Variants in SMTNL2 observed in about 807,000 individuals in gnomAD.
SMTNL2 encodes the protein smoothelin-like protein 2.
SMTNL2 carries 43 observed loss-of-function variants against 44.1 expected under a neutral mutation model. The ratio of observed to expected loss-of-function variants is 0.98; its 90% CI spans 0.76 to 1.26. The LOEUF is 1.26. Among genes scored for constraint, SMTNL2 ranks in the 50% most tolerant of loss-of-function variants. The pLI is 0.00. For synonymous variants in SMTNL2, 317 were observed against 287.6 expected (o/e 1.10, Z -1.03); for missense variants, 646 against 670.2 (o/e 0.96, Z 0.40).
In SMTNL2 at chr17:4,607,806, T is replaced by C. The variant is rs1597420763; in HGVS notation, c.*319T>C. 4.3e-6 allele frequency: 1 copy of C among 230,090 alleles called. No individual in the cohort carries two copies. Among genetic ancestry groups the C allele is most frequent in the Admixed American group, 5.5e-5 (1 of 18,136 alleles). 14.3% of individuals were successfully genotyped at this position (230,090 alleles called of 1,614,324 possible). A position where few individuals can be genotyped will look rare whatever the true frequency, so the allele number is the denominator to read the frequency against. On this transcript the variant is annotated 3_prime_UTR_variant, in exon 8 of 8. Coordinates refer to ENST00000389313, the MANE Select transcript of SMTNL2 (RefSeq NM_001114974.2). The surrounding 1 kb of genome is among the most constrained non-coding windows in gnomAD (Gnocchi z 4.7). ...GTTTATAGCTTCCAGAATGCTAATC[T>C]ACAATTTTCCCTCTGGTGAATTCGA...
rs1013031481 is a variant in SMTNL2, at chr17:4,600,126, G to C, written c.1259+2803G>C. ...CGTAAGATTATCTCCCAGGTACTAG[G>C]GGGAGAGGGCTGGGAAGACTGGCTC... is the stretch of plus-strand genomic sequence containing the variant. On this transcript the variant is annotated intron_variant, in intron 7 of 7. Transcript: ENST00000389313. This position sits in a 1 kb window ranked among gnomAD's most constrained non-coding sequence, Gnocchi z 4.7. Among the ~76,000 whole-genome samples the C allele has an allele frequency of 2.0e-5, 3 of 152,306 alleles. No homozygotes were observed. Among genetic ancestry groups the C allele is most frequent in the East Asian group, 1.9e-4 (1 of 5,174 alleles).
At chr17:4,597,398 T>G (rs996132590) in intron 7 of SMTNL2, 75 bp downstream of exon 7, 1 of 1,567,560 alleles carries the variant, frequency 6.4e-7, no homozygotes, top group African/African-American at 1.4e-5. Flanking sequence ...AGGTGGGGCA[T>G]GGGGGCGAGT....
chr17:4,592,845 G>A lies in SMTNL2; in HGVS notation c.488-84G>A. 6.6e-7 allele frequency: 1 copy of A among 1,523,992 alleles called. No homozygotes were observed. Among genetic ancestry groups the A allele is most frequent in the South Asian group, 1.3e-5 (1 of 79,208 alleles). The allele number at this position is 1,523,992 out of a possible 1,614,324, so 94.4% of individuals were successfully genotyped here. On this transcript the variant is annotated intron_variant, in intron 2 of 7. Coordinates refer to ENST00000389313, the MANE Select transcript of SMTNL2 (RefSeq NM_001114974.2). The surrounding 1 kb of genome is among the most constrained non-coding windows in gnomAD (Gnocchi z 4.5). ...CTAGAGGAGGTGGGAGGAGGGCCCA[G>A]GGAGGCTAGAGCCCTCCTGGGAGGT... is the stretch of plus-strand genomic sequence containing the variant.
At chr17:4,588,903 C>T (rs1005396224) in intron 1 of SMTNL2, among the ~76,000 whole-genome samples, 2 of 152,220 alleles carry the variant, frequency 1.3e-5, no homozygotes, top group African/African-American at 4.8e-5. Flanking sequence ...CCCTGCCCCA[C>T]CCCACGTCTT....
chr17:4,584,287 G>T (rs1385730432), upstream of SMTNL2, among the ~76,000 whole-genome samples: 1 of 152,188 alleles, frequency 6.6e-6, no homozygotes, highest in Non-Finnish European at 1.5e-5. Context: ...GTCCAGGGGG[G>T]CCAGGGCCTT....
Position 4,598,321 on chromosome 17 carries a change from A to T in SMTNL2, c.1259+998A>T, listed in dbSNP as rs948987600. Among the ~76,000 whole-genome samples, 3 of 152,258 alleles carry T rather than the reference A, an allele frequency of 2.0e-5. No homozygotes were observed. The highest frequency in any genetic ancestry group is 6.5e-5 in the Admixed American group (1 of 15,294). ...GTTCATCCTGGCCCCCAGGGCAGGG[A>T]GCAGGGCACAGATGAGTGGTGTTCG... On this transcript the variant is annotated intron_variant, in intron 7 of 7. Transcript: ENST00000389313. The surrounding 1 kb of genome is among the most constrained non-coding windows in gnomAD (Gnocchi z 4.8).
At chr17:4,590,378 G>A (rs1306854025) in intron 1 of SMTNL2, among the ~76,000 whole-genome samples, 1 of 152,094 alleles carries the variant, frequency 6.6e-6, no homozygotes, top group Non-Finnish European at 1.5e-5. Context: ...CTGCTCTGTT[G>A]CTTCCTGAAA....
chr17:4,596,784 C>A, intron 5 of SMTNL2, 76 bp from the exon 6 acceptor site: 1 of 1,284,202 alleles, frequency 7.8e-7, no homozygotes, highest in Non-Finnish European at 1.0e-6. Flanking sequence ...GCCAGGACAG[C>A]CTCCCCTGCC....
At chr17:4,605,858 A>G (rs1312149902) in intron 7 of SMTNL2, among the ~76,000 whole-genome samples, 2 of 152,168 alleles carry the variant, frequency 1.3e-5, no homozygotes, top group Non-Finnish European at 2.9e-5. Context: ...CAGAGGAGGC[A>G]GGGGGCGCAG....
intron 7 of SMTNL2, among the ~76,000 whole-genome samples, chr17:4,602,198 C>T (rs1380613769): frequency 6.6e-6 from 1 of 151,958 alleles, no homozygotes; most frequent in East Asian, 1.9e-4. Context: ...AAAGGAAATG[C>T]TCATTGGCGC....
At chr17:4,597,037 C>T (rs1477041400) in intron 6 of SMTNL2, 60 bp downstream of exon 6, 52 of 1,477,056 alleles carry the variant, frequency 3.5e-5, no homozygotes, top group Non-Finnish European at 4.5e-5. Flanking sequence ...GACCAAGCGT[C>T]GCCCCTGTCC....
At chr17:4,597,594 T>C (rs931333349) in intron 7 of SMTNL2, among the ~76,000 whole-genome samples, 4 of 152,126 alleles carry the variant, frequency 2.6e-5, no homozygotes, top group African/African-American at 9.7e-5. Context: ...GCTTCTGAGG[T>C]GCACTCTGGG....
intron 5 of SMTNL2, 75 bp from the exon 6 acceptor site, chr17:4,596,785 C>A: frequency 4.6e-6 from 6 of 1,295,974 alleles, no homozygotes; most frequent in Non-Finnish European, 5.1e-6. Flanking sequence ...CCAGGACAGC[C>A]TCCCCTGCCC....
intron 4 of SMTNL2, among the ~76,000 whole-genome samples, chr17:4,594,602 C>T (rs1909725897): frequency 6.6e-6 from 1 of 152,246 alleles, no homozygotes; most frequent in Non-Finnish European, 1.5e-5. Context: ...TTCCTGCCCA[C>T]GGGCTGCGAG....
At chr17:4,604,938 C>G (rs981278513) in intron 7 of SMTNL2, among the ~76,000 whole-genome samples, 2 of 151,730 alleles carry the variant, frequency 1.3e-5, no homozygotes, top group African/African-American at 2.4e-5. Context: ...CCTAAAGTGC[C>G]GGGATTACAG....
At position 4,595,091 on chromosome 17, in the gene SMTNL2, T is replaced by G; in HGVS notation, c.807-54T>G. Reference sequence around the variant, plus strand: ...GTGCAATGGAGACCTTGGGGCCTGGTGAGCTAGTGATGGCTGCTGGGCCCA... The same window carrying G: ...GTGCAATGGAGACCTTGGGGCCTGGGGAGCTAGTGATGGCTGCTGGGCCCA... On this transcript the variant is annotated intron_variant, in intron 4 of 7. Transcript: ENST00000389313. The surrounding 1 kb of genome is among the most constrained non-coding windows in gnomAD (Gnocchi z 5.1). The G allele has an allele frequency of 2.5e-6, 4 of 1,610,598 alleles. No individual in the cohort carries two copies. Among genetic ancestry groups the G allele is most frequent in the Non-Finnish European group, 3.4e-6 (4 of 1,178,286 alleles).
Position 4,598,743 on chromosome 17 carries a change from G to A in SMTNL2, c.1259+1420G>A, listed in dbSNP as rs1330746335. Among the ~76,000 whole-genome samples, 1 of 151,930 alleles carries A rather than the reference G, an allele frequency of 6.6e-6. No individual in the cohort carries two copies. Among genetic ancestry groups the A allele is most frequent in the East Asian group, 1.9e-4 (1 of 5,178 alleles). ...GGAGGCTGAGGCAGGAGAATTGTTA[G>A]AACCCAAGAGAAAGAGGTTGCAGTG... On this transcript the variant is annotated intron_variant, in intron 7 of 7. Coordinates refer to ENST00000389313, the MANE Select transcript of SMTNL2 (RefSeq NM_001114974.2). The surrounding 1 kb of genome is among the most constrained non-coding windows in gnomAD (Gnocchi z 4.8).
Position 4,592,596 on chromosome 17 carries a change from C to A in SMTNL2, c.487+148C>A. 1.4e-6 allele frequency: 1 copy of A among 727,886 alleles called. No homozygotes were observed. The highest frequency in any genetic ancestry group is 2.2e-6 in the Non-Finnish European group (1 of 452,400). The allele number at this position is 727,886 out of a possible 1,614,324, so 45.1% of individuals were successfully genotyped here. A position where few individuals can be genotyped will look rare whatever the true frequency, so the allele number is the denominator to read the frequency against. The stretch of plus-strand genomic sequence containing the variant: ...GCAGGGAGAGAGGCTGCCAGGAGAG[C>A]AGCGTCATTCAGTAGAACTTGTGAA... On this transcript the variant is annotated intron_variant, in intron 2 of 7. Coordinates refer to ENST00000389313, the MANE Select transcript of SMTNL2 (RefSeq NM_001114974.2). The surrounding 1 kb of genome is among the most constrained non-coding windows in gnomAD (Gnocchi z 4.5).
At position 4,605,172 on chromosome 17, in the gene SMTNL2, T is replaced by C. The variant is rs1344550348; in HGVS notation, c.1260-2189T>C. ...TGTTTGGTTTTTTTTTTTTTTTTTT[T>C]TTTTTTTGAGGCAGGGTCTGGCTCT... On this transcript the variant is annotated intron_variant, in intron 7 of 7. Coordinates refer to ENST00000389313, the MANE Select transcript of SMTNL2 (RefSeq NM_001114974.2). Among the ~76,000 whole-genome samples, 3 of 141,340 alleles carry C rather than the reference T, an allele frequency of 2.1e-5. No individual in the cohort carries two copies. In the East Asian group the frequency reaches 6.1e-4, roughly 29 times the overall value. The allele number at this position is 141,340 out of a possible 152,430, so 92.7% of individuals were successfully genotyped here.
Sources: gnomAD v4.1 joint callset for allele counts (sites outside exome capture counted in the v4.1 genomes callset) on GRCh38, gnomAD v4.1.1 for gene constraint, Gnocchi (gnomAD v3.1) non-coding constraint, MANE v1.5 for transcripts, NCBI Gene and HGNC (gene_info 2026-07-23, HGNC 2026-07-21) for gene names.